The following DAG1 variants were observed in gnomAD, a reference collection of about 807,000 sequenced individuals.
DAG1 encodes the protein dystroglycan 1 (dystrophin-associated glycoprotein 1).
DAG1 carries 8 observed loss-of-function variants against 46.1 expected under a neutral mutation model. The observed-to-expected ratio is 0.17, with a 90% CI of 0.10 to 0.31. The LOEUF (loss-of-function observed/expected upper bound fraction) is 0.31. Ranked by LOEUF, DAG1 falls within the 10% of genes least tolerant of loss-of-function variation. The probability of loss-of-function intolerance (pLI) is 1.00; values close to 1 mark genes in which losing one functional copy is unlikely to be tolerated. For missense variants in DAG1, 1,003 were observed against 1,189.9 expected (o/e 0.84, Z 2.31); for synonymous variants, 495 against 481.8 (o/e 1.03, Z -0.36).
chr3:49,481,073 T>C (rs1362602636), intron 1 of DAG1, among the ~76,000 whole-genome samples: 1 of 149,210 alleles, frequency 6.7e-6, no homozygotes, highest in Non-Finnish European at 1.5e-5. Context: ...CATAAAGTTT[T>C]TTAAAAGTTT....
intron 1 of DAG1, among the ~76,000 whole-genome samples, chr3:49,507,498 G>A (rs1042058760): frequency 1.3e-5 from 2 of 152,012 alleles, no homozygotes; most frequent in Admixed American, 1.3e-4. Context: ...GGGAGGCGGA[G>A]GTTACAGTGA....
Position 49,533,267 on chromosome 3 carries a change from GACCGGTGGCCTGCAGACCATTGCCC to G in DAG1, c.*74_*98del. On this transcript the variant is annotated 3_prime_UTR_variant, in exon 3 of 3. Transcript: ENST00000308775. ...GAGACGACATGGTGTTGTCTGTGGA[GACCGGTGGCCTGCAGACCATTGCCC>G]ACCGGGAGCCGACACCTGACCTAGC... is the stretch of plus-strand genomic sequence containing the variant. The G allele has an allele frequency of 6.3e-7, 1 of 1,592,106 alleles. No homozygotes were observed. The highest frequency in any genetic ancestry group is 1.7e-5 in the Admixed American group (1 of 58,936).
intron 1 of DAG1, among the ~76,000 whole-genome samples, chr3:49,489,150 C>G (rs2050115956): frequency 6.6e-6 from 1 of 151,294 alleles, no homozygotes; most frequent in Non-Finnish European, 1.5e-5. Context: ...GGCTGGAGTG[C>G]AATGGCGTGA....
At chr3:49,508,533 C>T (rs940990267) in intron 1 of DAG1, among the ~76,000 whole-genome samples, 2 of 151,986 alleles carry the variant, frequency 1.3e-5, no homozygotes, top group African/African-American at 4.8e-5. Flanking sequence ...TAAGTAGCTG[C>T]GACTTCAGGC....
At chr3:49,499,597 G>A (rs1394550748) in intron 1 of DAG1, among the ~76,000 whole-genome samples, 1 of 152,196 alleles carries the variant, frequency 6.6e-6, no homozygotes, top group Non-Finnish European at 1.5e-5. Context: ...CATAGCTCTG[G>A]GGAGGCAGCC....
At position 49,534,050 on chromosome 3, in the gene DAG1, G is replaced by C. The variant is rs1270425919; in HGVS notation, c.*851G>C. 6.6e-6 allele frequency: 1 copy of C among 152,552 alleles called. No homozygotes were observed. The highest frequency in any genetic ancestry group is 1.5e-5 in the Non-Finnish European group (1 of 68,164). 9.4% of individuals were successfully genotyped at this position (152,552 alleles called of 1,614,324 possible). A position where few individuals can be genotyped will look rare whatever the true frequency, so the allele number is the denominator to read the frequency against. ...AAGGGGTCTTCATTTCCATGAAAAA[G>C]GGACTCCAAGAGGCAGTGGTGGCTG... On this transcript the variant is annotated 3_prime_UTR_variant, in exon 3 of 3. Coordinates refer to ENST00000308775, the MANE Select transcript of DAG1 (RefSeq NM_004393.6).
intron 1 of DAG1, among the ~76,000 whole-genome samples, chr3:49,508,005 T>C (rs2050653555): frequency 6.6e-6 from 1 of 152,110 alleles, no homozygotes. Context: ...TCTAGTGATA[T>C]CTCCTGCTTC....
chr3:49,486,160 A>C (rs976529661), intron 1 of DAG1, among the ~76,000 whole-genome samples: 5 of 151,806 alleles, frequency 3.3e-5, no homozygotes, highest in African/African-American at 1.2e-4. Context: ...TCTGCAAGAG[A>C]GATTTATACC....
chr3:49,479,655 T>G (rs1400096992), intron 1 of DAG1, among the ~76,000 whole-genome samples: 3 of 44,940 alleles, frequency 6.7e-5, no homozygotes, highest in African/African-American at 1.6e-4. Context: ...TTTTTTTTTT[T>G]GAGACCGAGT....
intron 1 of DAG1, chr3:49,470,919 T>G (rs977420354): frequency 7.2e-5 from 11 of 152,234 alleles, no homozygotes; most frequent in Admixed American, 2.6e-4. Flanking sequence ...CTTGAGCTCC[T>G]TTGGAAGCTT....
At chr3:49,494,374 G>A (rs1046922149) in intron 1 of DAG1, among the ~76,000 whole-genome samples, 2 of 152,114 alleles carry the variant, frequency 1.3e-5, no homozygotes, top group African/African-American at 4.8e-5. Context: ...GTCAAGGGCT[G>A]GGTTGCCTGG....
intron 2 of DAG1, among the ~76,000 whole-genome samples, chr3:49,515,316 A>AT (rs1465957776): frequency 2.3e-5 from 3 of 132,636 alleles, no homozygotes; most frequent in Non-Finnish European, 4.9e-5. Flanking sequence ...TAGCTTGAGT[A>AT]TTTTTTTACC....
At chr3:49,504,491 A>G (rs2050541794) in intron 1 of DAG1, among the ~76,000 whole-genome samples, 1 of 149,642 alleles carries the variant, frequency 6.7e-6, no homozygotes, top group African/African-American at 2.5e-5. Context: ...TCACTTGGGT[A>G]TATTTGTGTA....
At position 49,510,720 on chromosome 3, in the gene DAG1, C is replaced by T. The variant is rs370041858; in HGVS notation, c.186C>T (p.Pro62=). The part of the protein sequence containing the change: ...SVLSDLHEAV[P]TVVGIPDGTA... ...TCTCAGACCTCCACGAGGCTGTTCC[C>T]ACAGTGGTTGGCATTCCTGATGGCA... Residue 62 remains proline, a synonymous_variant, in exon 2 of 3, where the codon CCC becomes CCT. Coordinates refer to ENST00000308775, the MANE Select transcript of DAG1 (RefSeq NM_004393.6). The T allele has an allele frequency of 6.2e-7, 1 of 1,614,064 alleles. No individual in the cohort carries two copies. The highest frequency in any genetic ancestry group is 1.3e-5 in the African/African-American group (1 of 74,914).
chr3:49,484,269 G>C (rs957000301), intron 1 of DAG1, among the ~76,000 whole-genome samples: 2 of 152,122 alleles, frequency 1.3e-5, no homozygotes, highest in Non-Finnish European at 2.9e-5. Flanking sequence ...AAAGTAGTTA[G>C]AAAGTGACCA....
intron 1 of DAG1, chr3:49,471,019 C>T (rs1213629074): frequency 1.3e-5 from 2 of 152,210 alleles, no homozygotes; most frequent in East Asian, 1.9e-4. Flanking sequence ...AATGTCGTCT[C>T]GGCTTGGAAT....
rs1446672413 is a variant in DAG1 at position 49,531,320 on chromosome 3, G to A, written c.809G>A (p.Ser270Asn). Reference sequence around the variant, plus strand: ...CTGGGCTGCTCCCTGAACCAGAACAGTGTGCCTGACATTCATGGTGTAGAG... The same window carrying A: ...CTGGGCTGCTCCCTGAACCAGAACAATGTGCCTGACATTCATGGTGTAGAG... ...WKLGCSLNQNSVPDIHGVEAP... is the reference protein window; with the variant it reads ...WKLGCSLNQNNVPDIHGVEAP... The change falls in exon 3 of 3, where the codon AGT (serine) becomes AAT (asparagine). Residue 270 changes from serine to asparagine, a missense_variant. Ser to Asn is a conservative substitution (Grantham distance 46, BLOSUM62 1). Coordinates refer to ENST00000308775, the MANE Select transcript of DAG1 (RefSeq NM_004393.6). This position sits in a 1 kb window ranked among gnomAD's most constrained non-coding sequence, Gnocchi z 7.0. The A allele has an allele frequency of 1.2e-6, 2 of 1,614,196 alleles. No individual in the cohort carries two copies. The highest frequency in any genetic ancestry group is 1.7e-5 in the Admixed American group (1 of 60,016).
In DAG1 at chr3:49,531,953, G is replaced by C. The variant is rs1256677839; in HGVS notation, c.1442G>C (p.Arg481Pro). 9 of 1,614,112 alleles carry C rather than the reference G, an allele frequency of 5.6e-6. No homozygotes were observed. Among genetic ancestry groups the C allele is most frequent in the Non-Finnish European group, 7.6e-6 (9 of 1,180,026 alleles). ...LETASPPTRI[R>P]TTTSGVPRGG... ...ACTGCCTCACCGCCTACTCGTATTC[G>C]CACCACCACCAGTGGAGTGCCCCGT... Residue 481 changes from arginine (R) to proline (P), a missense_variant, in exon 3 of 3, where the codon CGC (arginine) becomes CCC (proline). Transcript: ENST00000308775. This position sits in a 1 kb window ranked among gnomAD's most constrained non-coding sequence, Gnocchi z 7.0.
chr3:49,477,359 C>G (rs776494034), intron 1 of DAG1, among the ~76,000 whole-genome samples: 1 of 152,128 alleles, frequency 6.6e-6, no homozygotes, highest in African/African-American at 2.4e-5. Context: ...GGCATGATTA[C>G]AGCTCACTGC....
Sources: allele counts gnomAD v4.1 joint callset (sites outside exome capture counted in the v4.1 genomes callset), GRCh38; gene constraint gnomAD v4.1.1; non-coding constraint Gnocchi (gnomAD v3.1); transcripts MANE v1.5; gene names NCBI Gene and HGNC (gene_info 2026-07-23, HGNC 2026-07-21).